The following CARMIL1 variants were observed in gnomAD, a reference collection of about 807,000 sequenced individuals.
The protein encoded by CARMIL1 is F-actin-uncapping protein LRRC16A.
Under a neutral mutation model 177.1 loss-of-function variants are expected in CARMIL1, and 90 were observed. That is an observed-to-expected ratio of 0.51 (90% CI 0.43 to 0.61). The LOEUF is 0.61. CARMIL1 is among the 20% of genes least tolerant of loss of function. The pLI is 0.00. For synonymous variants in CARMIL1, 577 were observed against 606.2 expected (o/e 0.95, Z 0.71); for missense variants, 1,380 against 1,667.0 (o/e 0.83, Z 3.00).
At chr6:25,336,906 CTCAGAG>C (rs1220613297) in intron 2 of CARMIL1, among the ~76,000 whole-genome samples, 4 of 152,132 alleles carry the variant, frequency 2.6e-5, no homozygotes, top group African/African-American at 9.7e-5. Flanking sequence ...TTATATTTTC[CTCAGAG>C]TCACAAGCCG....
intron 36 of CARMIL1, among the ~76,000 whole-genome samples, chr6:25,616,748 A>T (rs2151353406): frequency 6.6e-6 from 1 of 152,356 alleles, no homozygotes; most frequent in Non-Finnish European, 1.5e-5. Context: ...AGTCAAATAG[A>T]TGTTCCCTTA....
At chr6:25,563,451 C>T in intron 29 of CARMIL1, 1 of 985,334 alleles carries the variant, frequency 1.0e-6, no homozygotes, top group South Asian at 4.7e-5. Flanking sequence ...AAGAGGAAGA[C>T]AATGGGAAGT....
chr6:25,605,122 T>C (rs1815826757), intron 34 of CARMIL1, among the ~76,000 whole-genome samples: 1 of 152,178 alleles, frequency 6.6e-6, no homozygotes, highest in Admixed American at 6.5e-5. Context: ...CTTTTTGATT[T>C]CCCAAAGGGA....
In CARMIL1 at chr6:25,482,211, A is replaced by T; in HGVS notation, c.875-46A>T. 3.1e-6 allele frequency: 3 copies of T among 955,658 alleles called. No individual in the cohort carries two copies. The South Asian group carries it at 4.4e-5, about 14-fold the overall frequency. The allele number at this position is 955,658 out of a possible 1,614,324, so 59.2% of individuals were successfully genotyped here. A position where few individuals can be genotyped will look rare whatever the true frequency, so the allele number is the denominator to read the frequency against. ...ATTTTCATCCATTGTAAAAAATGCA[A>T]TTCTGAGAACTTGAAAATTCTAATC... On this transcript the variant is annotated intron_variant, in intron 11 of 36. Coordinates refer to ENST00000329474, the MANE Select transcript of CARMIL1 (RefSeq NM_017640.6).
At chr6:25,497,943 G>A (rs369353207) in intron 16 of CARMIL1, among the ~76,000 whole-genome samples, 2 of 152,134 alleles carry the variant, frequency 1.3e-5, no homozygotes, top group Non-Finnish European at 2.9e-5. Context: ...TTTCAAGGGG[G>A]TTTAGAGAAC....
intron 2 of CARMIL1, among the ~76,000 whole-genome samples, chr6:25,362,670 AAAAAC>A (rs983768542): frequency 5.9e-5 from 9 of 152,160 alleles, no homozygotes; most frequent in Admixed American, 3.9e-4. Context: ...ACTCCGTCTC[AAAAAC>A]AAAACAAAAC....
chr6:25,495,116 GA>G lies in CARMIL1; in HGVS notation c.1230del (p.Glu411LysfsTer16). ...LSRTVFSHRK[G>X]KEVPPSFKQF... Reference sequence around the variant, plus strand: ...AACTCTTGTGTTTTTTTCAGGAAAGGAAAAGAAGTACCTCCATCTTTCAAGC... The same window carrying G: ...AACTCTTGTGTTTTTTTCAGGAAAGGAAAGAAGTACCTCCATCTTTCAAGC... On this transcript the variant is annotated frameshift_variant, in exon 16 of 37. Coordinates refer to ENST00000329474, the MANE Select transcript of CARMIL1 (RefSeq NM_017640.6). LOFTEE classifies it high-confidence loss of function. 6.2e-7 allele frequency: 1 copy of G among 1,605,246 alleles called. No homozygotes were observed. Among genetic ancestry groups the G allele is most frequent in the Non-Finnish European group, 8.5e-7 (1 of 1,173,382 alleles).
intron 2 of CARMIL1, among the ~76,000 whole-genome samples, chr6:25,407,393 G>T (rs990529409): frequency 2.5e-5 from 3 of 120,624 alleles, no homozygotes; most frequent in Admixed American, 2.4e-4. Flanking sequence ...GAGCCCACAC[G>T]AAGGGACGGG....
chr6:25,588,011 TAAA>T (rs751791959), intron 31 of CARMIL1, among the ~76,000 whole-genome samples: 1 of 152,096 alleles, frequency 6.6e-6, no homozygotes, highest in African/African-American at 2.4e-5. Context: ...ACCACAACAA[TAAA>T]AAAATTATAT....
chr6:25,455,191 G>A (rs62392389), intron 8 of CARMIL1, among the ~76,000 whole-genome samples: 10,968 of 152,182 alleles, frequency 0.072, 552 homozygotes, highest in East Asian at 0.23. Context: ...GATTCTGCAT[G>A]CATTTGTATG....
intron 2 of CARMIL1, among the ~76,000 whole-genome samples, chr6:25,303,486 T>C (rs927899202): frequency 6.6e-6 from 1 of 152,220 alleles, no homozygotes; most frequent in Non-Finnish European, 1.5e-5. Flanking sequence ...ACTTTGACCC[T>C]TCATTTTCCA....
chr6:25,402,654 A>G (rs1339899757), intron 2 of CARMIL1, among the ~76,000 whole-genome samples: 1 of 152,208 alleles, frequency 6.6e-6, no homozygotes, highest in African/African-American at 2.4e-5. Context: ...CATAATTGCT[A>G]TATTAATTTA....
chr6:25,281,131 C>CACGCGCGTGTGT lies in CARMIL1; in HGVS notation c.40+1296_40+1297insACGCGCGTGTGT, dbSNP rs1554148556. Among the ~76,000 whole-genome samples the CACGCGCGTGTGT allele has an allele frequency of 1.9e-4, 20 of 106,248 alleles. 1 individual carries two copies. Among genetic ancestry groups the CACGCGCGTGTGT allele is most frequent in the Middle Eastern group, 5.0e-3 (1 of 200 alleles). The allele number at this position is 106,248 out of a possible 152,430, so 69.7% of individuals were successfully genotyped here. A position where few individuals can be genotyped will look rare whatever the true frequency, so the allele number is the denominator to read the frequency against. On this transcript the variant is annotated intron_variant, in intron 1 of 36. Transcript: ENST00000329474. ...ATTCACAGACGCACGCGCGTGTGCG[C>CACGCGCGTGTGT]GCGCGCACACACACACACACACACA...
In CARMIL1 at chr6:25,380,813, G is replaced by A. The variant is rs116447244; in HGVS notation, c.139-39301G>A. Among the ~76,000 whole-genome samples, 804 of 152,242 alleles carry A rather than the reference G, an allele frequency of 5.3e-3. 8 individuals carry two copies. The highest frequency in any genetic ancestry group is 0.012 in the African/African-American group (511 of 41,550). The stretch of plus-strand genomic sequence containing the variant: ...TAGACACGCATTTTTCCTTTAAGGA[G>A]CCACAGTCTAGACTGTGTACTCTTT... On this transcript the variant is annotated intron_variant, in intron 2 of 36. Coordinates refer to ENST00000329474, the MANE Select transcript of CARMIL1 (RefSeq NM_017640.6).
intron 2 of CARMIL1, among the ~76,000 whole-genome samples, chr6:25,286,026 C>T (rs141324345): frequency 1.2e-3 from 184 of 151,680 alleles, no homozygotes; most frequent in African/African-American, 4.1e-3. Context: ...TGTGAGCCAT[C>T]ATGCCCAGCT....
intron 26 of CARMIL1, among the ~76,000 whole-genome samples, chr6:25,550,248 T>C (rs1423643580): frequency 1.3e-5 from 2 of 152,234 alleles, no homozygotes; most frequent in Non-Finnish European, 2.9e-5. Context: ...TTTCAAACTC[T>C]AAAGTGCTAT....
At chr6:25,569,842 T>A (rs945219887) in intron 29 of CARMIL1, among the ~76,000 whole-genome samples, 6 of 152,074 alleles carry the variant, frequency 3.9e-5, no homozygotes, top group African/African-American at 1.2e-4. Context: ...TTAAAATACC[T>A]CAAGTTTAAT....
chr6:25,453,373 G>A (rs186183801), intron 8 of CARMIL1, among the ~76,000 whole-genome samples: 32 of 151,460 alleles, frequency 2.1e-4, no homozygotes, highest in African/African-American at 7.5e-4. Flanking sequence ...TCATTTTTTT[G>A]TGATAGTCCA....
intron 16 of CARMIL1, among the ~76,000 whole-genome samples, chr6:25,497,813 C>T (rs1166650022): frequency 3.3e-5 from 5 of 151,990 alleles, no homozygotes; most frequent in African/African-American, 1.2e-4. Context: ...CTTTTACAAG[C>T]GAATTGGGGA....
Sources: gnomAD v4.1 joint callset for allele counts (sites outside exome capture counted in the v4.1 genomes callset) on GRCh38, gnomAD v4.1.1 for gene constraint, MANE v1.5 for transcripts, NCBI Gene and HGNC (gene_info 2026-07-23, HGNC 2026-07-21) for gene names.